DTD1: variants seen among roughly 807,000 people sequenced by gnomAD.
The protein encoded by DTD1 is D-aminoacyl-tRNA deacylase 1.
Under a neutral mutation model 25.6 loss-of-function variants are expected in DTD1, and 13 were observed. The observed-to-expected ratio is 0.51, with a 90% CI of 0.33 to 0.81. The LOEUF (loss-of-function observed/expected upper bound fraction) is 0.81, where lower values mean the gene tolerates loss of function less well. Among genes scored for constraint, DTD1 ranks in the 30% least tolerant of loss-of-function variants. The probability of loss-of-function intolerance (pLI) is 0.02; values close to 1 mark genes in which losing one functional copy is unlikely to be tolerated. For synonymous variants in DTD1, 110 were observed against 103.6 expected, an observed-to-expected ratio of 1.06 and a Z score of -0.37; for missense variants, 193 against 266.4, an observed-to-expected ratio of 0.72 and a Z score of 1.92.
chr20:18,627,403 T>C (rs2060764045), intron 3 of DTD1, among the ~76,000 whole-genome samples: 1 of 152,216 alleles, frequency 6.6e-6, no homozygotes. Context: ...GATGGAGGGC[T>C]TCACTGCATG....
chr20:18,646,480 A>G (rs1217206943), intron 4 of DTD1, among the ~76,000 whole-genome samples: 1 of 152,154 alleles, frequency 6.6e-6, no homozygotes, highest in East Asian at 1.9e-4. Flanking sequence ...TCCTCATGAA[A>G]ACCCTTGAGG....
At chr20:18,698,237 A>G (rs1450044311) in intron 4 of DTD1, among the ~76,000 whole-genome samples, 1 of 152,224 alleles carries the variant, frequency 6.6e-6, no homozygotes, top group Non-Finnish European at 1.5e-5. Flanking sequence ...TTAAATTTTT[A>G]TCACAGAAAA....
chr20:18,660,678 A>T (rs192497667), intron 4 of DTD1, among the ~76,000 whole-genome samples: 396 of 152,372 alleles, frequency 2.6e-3, no homozygotes, highest in Non-Finnish European at 4.8e-3. Flanking sequence ...AAATTGTGAA[A>T]TATAAAATAT....
At position 18,721,362 on chromosome 20, in the gene DTD1, A is replaced by AT. The variant is rs200520020; in HGVS notation, c.478-22736dup. ...TCCCTCTTCACTTGTTAATGTAGTG[A>AT]TTAATTTTCCAATGTTAAACTATCT... is the stretch of plus-strand genomic sequence containing the variant. On this transcript the variant is annotated intron_variant, in intron 4 of 5. Transcript: ENST00000377452. 3.4e-3 allele frequency among the ~76,000 whole-genome samples: 524 copies of AT among 152,310 alleles called. 10 individuals are homozygous for AT. Among genetic ancestry groups the AT allele is most frequent in the Admixed American group, 0.03 (458 of 15,298 alleles).
intron 4 of DTD1, among the ~76,000 whole-genome samples, chr20:18,718,827 G>A (rs1403295308): frequency 6.6e-6 from 1 of 151,980 alleles, no homozygotes; most frequent in Non-Finnish European, 1.5e-5. Flanking sequence ...GTTCCCTTTG[G>A]CCCACATAAG....
At chr20:18,595,088 A>G (rs1406647427) in intron 2 of DTD1, among the ~76,000 whole-genome samples, 1 of 152,190 alleles carries the variant, frequency 6.6e-6, no homozygotes, top group East Asian at 1.9e-4. Context: ...ATCTGACCCT[A>G]TAGATGTCAC....
intron 4 of DTD1, among the ~76,000 whole-genome samples, chr20:18,710,815 A>T (rs1393777357): frequency 6.6e-6 from 1 of 152,118 alleles, no homozygotes; most frequent in Non-Finnish European, 1.5e-5. Context: ...CCAGAGCCAC[A>T]TGCCTCCTGT....
At chr20:18,737,187 A>C (rs997054851) in intron 4 of DTD1, among the ~76,000 whole-genome samples, 16 of 151,870 alleles carry the variant, frequency 1.1e-4, no homozygotes, top group African/African-American at 3.9e-4. Context: ...TGGCCCTAAC[A>C]TCCTTGTCTT....
chr20:18,656,780 C>T (rs1159982222), intron 4 of DTD1, among the ~76,000 whole-genome samples: 1 of 152,178 alleles, frequency 6.6e-6, no homozygotes, highest in African/African-American at 2.4e-5. Flanking sequence ...CTTCCTTAGT[C>T]GTGGCCGTGG....
chr20:18,722,500 A>G (rs922825204), intron 4 of DTD1, among the ~76,000 whole-genome samples: 3 of 152,264 alleles, frequency 2.0e-5, no homozygotes, highest in African/African-American at 2.4e-5. Context: ...CATGTTTGAT[A>G]GCTTTTCTTG....
chr20:18,680,697 C>G (rs779044705), intron 4 of DTD1, among the ~76,000 whole-genome samples: 46 of 152,100 alleles, frequency 3.0e-4, no homozygotes, highest in Non-Finnish European at 6.5e-4. Flanking sequence ...CTCCGTGTCT[C>G]TACTGTAGGG....
intron 4 of DTD1, among the ~76,000 whole-genome samples, chr20:18,712,878 C>T (rs761152665): frequency 4.6e-5 from 7 of 152,262 alleles, no homozygotes; most frequent in Non-Finnish European, 8.8e-5. Flanking sequence ...ACAGACTCCC[C>T]TCCTTACCTT....
At chr20:18,744,375 C>G in intron 5 of DTD1, 104 bp downstream of exon 5, 1 of 1,237,372 alleles carries the variant, frequency 8.1e-7, no homozygotes, top group Admixed American at 2.6e-5. Context: ...TCACAGCGTT[C>G]ATCCATAGCT....
chr20:18,675,624 A>G (rs1172741194), intron 4 of DTD1: 1 of 152,170 alleles, frequency 6.6e-6, no homozygotes, highest in Non-Finnish European at 1.5e-5. Context: ...TCTTGTTTTT[A>G]AAAAGAAGAA....
At chr20:18,754,561 C>T (rs992425024) in intron 5 of DTD1, among the ~76,000 whole-genome samples, 6 of 152,208 alleles carry the variant, frequency 3.9e-5, no homozygotes, top group Non-Finnish European at 7.3e-5. Context: ...CAATGGTCCA[C>T]CCTTTTCTGG....
chr20:18,659,858 C>T lies in DTD1; in HGVS notation c.477+31625C>T, dbSNP rs143934157. On this transcript the variant is annotated intron_variant, in intron 4 of 5. Coordinates refer to ENST00000377452, the MANE Select transcript of DTD1 (RefSeq NM_080820.6). ...ATAGGTACAGCAAACCACCATAGCACATGTATACCTATGTTAGCAAACCTG... is the reference window on the plus strand; with the variant it reads ...ATAGGTACAGCAAACCACCATAGCATATGTATACCTATGTTAGCAAACCTG... Among the ~76,000 whole-genome samples the T allele has an allele frequency of 4.0e-3, 608 of 152,076 alleles. 2 individuals are homozygous for T. Among genetic ancestry groups the T allele is most frequent in the African/African-American group, 0.013 (555 of 41,480 alleles).
At chr20:18,624,784 T>A (rs183395826) in intron 3 of DTD1, among the ~76,000 whole-genome samples, 3 of 152,276 alleles carry the variant, frequency 2.0e-5, no homozygotes, top group Admixed American at 2.0e-4. Flanking sequence ...TTGCCTTGGA[T>A]CTCCTGTTAT....
intron 3 of DTD1, among the ~76,000 whole-genome samples, chr20:18,599,179 G>A (rs779265712): frequency 6.6e-6 from 1 of 151,874 alleles, no homozygotes; most frequent in African/African-American, 2.4e-5. Context: ...TATTTTTTAT[G>A]TATTTTATTT....
At chr20:18,674,085 T>C (rs1187135980) in intron 4 of DTD1, among the ~76,000 whole-genome samples, 1 of 152,196 alleles carries the variant, frequency 6.6e-6, no homozygotes, top group East Asian at 1.9e-4. Context: ...TATATCCTAC[T>C]TTGGTGATTT....
Sources: gnomAD v4.1 joint callset for allele counts (sites outside exome capture counted in the v4.1 genomes callset) on GRCh38, gnomAD v4.1.1 for gene constraint, MANE v1.5 for transcripts, NCBI Gene and HGNC (gene_info 2026-07-23, HGNC 2026-07-21) for gene names.